The following DCAKD variants were observed in gnomAD, a reference collection of about 807,000 sequenced individuals.
DCAKD encodes dephospho-CoA kinase domain-containing protein.
DCAKD carries 15 observed loss-of-function variants against 18.7 expected under a neutral mutation model. That is an observed-to-expected ratio of 0.80 (90% confidence interval 0.54 to 1.24). The LOEUF (loss-of-function observed/expected upper bound fraction) is 1.24. Among genes scored for constraint, DCAKD ranks in the 50% most tolerant of loss-of-function variants. The probability of loss-of-function intolerance (pLI) is 0.00; values close to 1 mark genes in which losing one functional copy is unlikely to be tolerated. For missense variants in DCAKD, 301 were observed against 322.0 expected, an observed-to-expected ratio of 0.93 and a Z score of 0.50; for synonymous variants, 130 against 133.0, an observed-to-expected ratio of 0.98 and a Z score of 0.16.
Position 45,024,692 on chromosome 17 carries a change from C to T in DCAKD, c.437G>A (p.Arg146Gln), listed in dbSNP as rs1392592038. 36 of 1,592,838 alleles carry T rather than the reference C, an allele frequency of 2.3e-5. No individual in the cohort carries two copies. The highest frequency in any genetic ancestry group is 8.9e-5 in the South Asian group (8 of 89,880). The change falls in exon 5 of 5, where the codon CGG (arginine) becomes CAG (glutamine). Residue 146 changes from arginine (R) to glutamine (Q), a missense_variant. By Grantham distance (43) the Arg-to-Gln change is conservative (BLOSUM62 1). Transcript: ENST00000651974. ...DRDTQLARLM[R>Q]RNSLNRKDAE... ...GTCCTTGCGGTTCAGGCTGTTCCGC[C>T]GCATCAGCCGTGCCAGCTGTGTGTC...
intron 1 of DCAKD, among the ~76,000 whole-genome samples, chr17:45,044,767 G>C (rs2053528174): frequency 6.6e-6 from 1 of 152,130 alleles, no homozygotes; most frequent in East Asian, 1.9e-4. Context: ...TCCCACAAGG[G>C]AATGCCCTAA....
intron 1 of DCAKD, among the ~76,000 whole-genome samples, chr17:45,043,872 C>A (rs1217713977): frequency 6.6e-6 from 1 of 152,068 alleles, no homozygotes; most frequent in Admixed American, 6.5e-5. Context: ...GCCTCTCTCA[C>A]ACCCTCCATC....
At chr17:45,038,586 A>T (rs983643778) in intron 1 of DCAKD, among the ~76,000 whole-genome samples, 5 of 152,230 alleles carry the variant, frequency 3.3e-5, no homozygotes, top group African/African-American at 1.2e-4. Flanking sequence ...ATTCAGAGCC[A>T]AAGAGAAATA....
intron 4 of DCAKD, among the ~76,000 whole-genome samples, chr17:45,027,530 T>C (rs992693610): frequency 6.6e-6 from 1 of 152,250 alleles, no homozygotes; most frequent in Non-Finnish European, 1.5e-5. Flanking sequence ...CCACACCCAC[T>C]GAAAGCAGGG....
intron 1 of DCAKD, among the ~76,000 whole-genome samples, chr17:45,038,135 G>A (rs140960109): frequency 7.3e-5 from 11 of 151,704 alleles, no homozygotes; most frequent in East Asian, 5.8e-4. Context: ...GGCGTGCAGC[G>A]GTGCAATCTG....
intron 2 of DCAKD, 139 bp from the exon 3 acceptor site, chr17:45,034,529 G>T: frequency 2.0e-6 from 2 of 1,022,820 alleles, no homozygotes; most frequent in Non-Finnish European, 2.9e-6. Flanking sequence ...GGTAGAGAAA[G>T]CAGTGAAGGA....
chr17:45,040,729 G>T (rs530075008), intron 1 of DCAKD, among the ~76,000 whole-genome samples: 17 of 152,288 alleles, frequency 1.1e-4, no homozygotes, highest in African/African-American at 3.6e-4. Flanking sequence ...AAAAGGGCAA[G>T]GAGTTTGGGT....
chr17:45,048,521 C>T (rs981577555), intron 1 of DCAKD, among the ~76,000 whole-genome samples: 5 of 152,318 alleles, frequency 3.3e-5, no homozygotes, highest in African/African-American at 1.2e-4. Context: ...CCCATAGTCC[C>T]AGCTACTCAG....
chr17:45,044,004 G>T (rs960011853), intron 1 of DCAKD, among the ~76,000 whole-genome samples: 3 of 152,124 alleles, frequency 2.0e-5, no homozygotes, highest in African/African-American at 7.2e-5. Context: ...ATTTCCTGCT[G>T]CACCTTTGCT....
At chr17:45,054,127 T>A (rs930935332), upstream of DCAKD, 3 of 518,916 alleles carry the variant, frequency 5.8e-6, no homozygotes, top group Admixed American at 5.8e-5. Context: ...TTCCATCTTG[T>A]GTCCAAAAGG....
At chr17:45,058,271 C>T (rs1181037031) in intron 1 of DCAKD, among the ~76,000 whole-genome samples, 3 of 151,948 alleles carry the variant, frequency 2.0e-5, no homozygotes, top group African/African-American at 4.8e-5. Context: ...GCCGAGATTG[C>T]GCCATTGCAC....
chr17:45,030,013 C>A, intron 4 of DCAKD, 79 bp downstream of exon 4: 1 of 1,372,654 alleles, frequency 7.3e-7, no homozygotes, highest in Non-Finnish European at 1.0e-6. Context: ...GGGGAAAGGG[C>A]AAAGTGCAAA....
chr17:45,037,399 A>AAAAC (rs1286130574), intron 1 of DCAKD, among the ~76,000 whole-genome samples: 2 of 152,184 alleles, frequency 1.3e-5, no homozygotes, highest in East Asian at 1.9e-4. Context: ...ACAAACAAAC[A>AAAAC]AAACAAACAA....
chr17:45,048,010 T>C (rs934944104), intron 1 of DCAKD, among the ~76,000 whole-genome samples: 2 of 152,194 alleles, frequency 1.3e-5, no homozygotes, highest in African/African-American at 4.8e-5. Context: ...ATACTCATGA[T>C]AACACAATTT....
At chr17:45,059,655 G>C (rs1299314778) in intron 1 of DCAKD, among the ~76,000 whole-genome samples, 1 of 152,200 alleles carries the variant, frequency 6.6e-6, no homozygotes, top group African/African-American at 2.4e-5. Context: ...ATTTCCTTGA[G>C]TGAATAGTGT....
chr17:45,044,419 C>A (rs184972778), intron 1 of DCAKD, among the ~76,000 whole-genome samples: 5 of 152,202 alleles, frequency 3.3e-5, no homozygotes, highest in Admixed American at 1.3e-4. Context: ...CGGATGGGTG[C>A]GGTGGCTGAC....
chr17:45,054,859 A>C (rs913463987), upstream of DCAKD, among the ~76,000 whole-genome samples: 8 of 152,154 alleles, frequency 5.3e-5, no homozygotes, highest in African/African-American at 1.9e-4. Flanking sequence ...TCTTCCTGGG[A>C]CACAGTGTTA....
chr17:45,036,966 G>A (rs1366002897), intron 1 of DCAKD, among the ~76,000 whole-genome samples: 1 of 152,086 alleles, frequency 6.6e-6, no homozygotes, highest in Non-Finnish European at 1.5e-5. Context: ...TTTGCCTCCC[G>A]TGAGGACACA....
At chr17:45,041,677 C>A (rs1275025615) in intron 1 of DCAKD, among the ~76,000 whole-genome samples, 2 of 152,076 alleles carry the variant, frequency 1.3e-5, no homozygotes, top group East Asian at 3.9e-4. Context: ...CACCTCAGGG[C>A]TAACTACTCT....
Sources: allele counts gnomAD v4.1 joint callset (sites outside exome capture counted in the v4.1 genomes callset), GRCh38; gene constraint gnomAD v4.1.1; transcripts MANE v1.5; gene names NCBI Gene and HGNC (gene_info 2026-07-23, HGNC 2026-07-21).